PIGK: variants seen among roughly 807,000 people sequenced by gnomAD.
PIGK encodes GPI-anchor transamidase.
Under a neutral mutation model 50.6 loss-of-function variants are expected in PIGK, and 42 were observed. That is an observed-to-expected ratio of 0.83 (90% confidence interval 0.65 to 1.07). PIGK has a LOEUF of 1.07. Among genes scored for constraint, PIGK ranks in the 50% least tolerant of loss-of-function variants. The pLI, the probability that PIGK is intolerant of heterozygous loss-of-function variation, is 0.00. For synonymous variants in PIGK, 151 were observed against 156.0 expected (o/e 0.97, Z 0.24); for missense variants, 448 against 488.7 (o/e 0.92, Z 0.78).
chr1:77,108,431 G>A (rs1474497737), intron 10 of PIGK, among the ~76,000 whole-genome samples: 1 of 152,118 alleles, frequency 6.6e-6, no homozygotes, highest in African/African-American at 2.4e-5. Flanking sequence ...ACTCTCTTCT[G>A]GCTTGTAGAG....
intron 9 of PIGK, among the ~76,000 whole-genome samples, chr1:77,148,105 AT>A (rs1262091584): frequency 3.3e-5 from 5 of 152,160 alleles, no homozygotes; most frequent in East Asian, 1.9e-4. Context: ...TTAACCTAAG[AT>A]TTTTTTAAAT....
At chr1:77,207,967 A>G (rs1350041841) in intron 2 of PIGK, among the ~76,000 whole-genome samples, 3 of 152,164 alleles carry the variant, frequency 2.0e-5, no homozygotes, top group African/African-American at 7.2e-5. Context: ...TACACCTATA[A>G]TCCTAGCAGT....
At chr1:77,214,844 T>C (rs995989675) in intron 1 of PIGK, among the ~76,000 whole-genome samples, 6 of 152,136 alleles carry the variant, frequency 3.9e-5, no homozygotes, top group Non-Finnish European at 2.9e-5. Flanking sequence ...CAATGGCGTT[T>C]CTATATACCA....
intron 1 of PIGK, among the ~76,000 whole-genome samples, chr1:77,215,951 G>T (rs1378560314): frequency 6.6e-6 from 1 of 152,124 alleles, no homozygotes; most frequent in Non-Finnish European, 1.5e-5. Flanking sequence ...GTGACGGGGG[G>T]AGTACAGAGA....
intron 3 of PIGK, among the ~76,000 whole-genome samples, chr1:77,175,372 C>T (rs1212348668): frequency 6.6e-6 from 1 of 152,098 alleles, no homozygotes; most frequent in African/African-American, 2.4e-5. Context: ...TGGTTAAAAA[C>T]AGGGATGCTT....
rs1457371530 is a variant in PIGK at position 77,205,293 on chromosome 1, T to C, written c.239+1347A>G. Among the ~76,000 whole-genome samples the C allele has an allele frequency of 6.6e-5, 10 of 151,504 alleles. No individual in the cohort carries two copies. The Admixed American group carries it at 6.6e-4, about 10-fold the overall frequency. ...CATAGGCCTATTTGAGAAAAACCAA[T>C]TGACAAATGACAAGAATTATATCTA... On this transcript the variant is annotated intron_variant, in intron 3 of 10. Coordinates refer to ENST00000370812, the MANE Select transcript of PIGK (RefSeq NM_005482.3).
At chr1:77,195,192 C>T (rs1159213150) in intron 3 of PIGK, 5 of 1,190,288 alleles carry the variant, frequency 4.2e-6, no homozygotes, top group Admixed American at 1.7e-5. Flanking sequence ...TGTTCTTAAC[C>T]GTGGGCGATG....
Position 77,216,488 on chromosome 1 carries a change from T to C in PIGK, c.93+2822A>G, listed in dbSNP as rs570774159. On this transcript the variant is annotated intron_variant, in intron 1 of 10. Transcript: ENST00000370812. ...TACTATGGCTAGGATAAAATACCCT[T>C]AATTTAGCAAGGCAATAACATAGTA... is the stretch of plus-strand genomic sequence containing the variant. Among the ~76,000 whole-genome samples the C allele has an allele frequency of 4.6e-5, 7 of 152,300 alleles. No individual in the cohort carries two copies. In the South Asian group the frequency reaches 1.5e-3, roughly 32 times the overall value.
At position 77,210,495 on chromosome 1, in the gene PIGK, TA is replaced by T; in HGVS notation, c.94-7del. On this transcript the variant is annotated splice_region_variant and splice_polypyrimidine_tract_variant and intron_variant, in intron 1 of 10. Transcript: ENST00000370812. Reference sequence around the variant, plus strand: ...AAGAATTGTTCTGCTTGATCCTAAATAAAGCAAAACAAATAGAAGAAAAAGG... The same window carrying T: ...AAGAATTGTTCTGCTTGATCCTAAATAAGCAAAACAAATAGAAGAAAAAGG... The T allele has an allele frequency of 6.3e-7, 1 of 1,578,448 alleles. No homozygotes were observed. The highest frequency in any genetic ancestry group is 8.6e-7 in the Non-Finnish European group (1 of 1,157,050).
intron 9 of PIGK, among the ~76,000 whole-genome samples, chr1:77,126,999 A>G (rs915639650): frequency 1.3e-5 from 2 of 152,166 alleles, no homozygotes; most frequent in South Asian, 4.1e-4. Context: ...AAAGCTGTGC[A>G]TTCCTTATTT....
At chr1:77,181,340 CT>C (rs1228111006) in intron 3 of PIGK, among the ~76,000 whole-genome samples, 2 of 152,112 alleles carry the variant, frequency 1.3e-5, no homozygotes, top group Admixed American at 1.3e-4. Flanking sequence ...GATGAACAAT[CT>C]TTCACAGTCC....
chr1:77,214,070 G>A (rs188987129), intron 1 of PIGK, among the ~76,000 whole-genome samples: 2 of 152,204 alleles, frequency 1.3e-5, no homozygotes, highest in African/African-American at 2.4e-5. Flanking sequence ...AGCCCAGAAC[G>A]GGATGGCTTC....
chr1:77,184,680 G>A (rs1026611547), intron 3 of PIGK, among the ~76,000 whole-genome samples: 3 of 152,176 alleles, frequency 2.0e-5, no homozygotes, highest in African/African-American at 7.2e-5. Context: ...AGTGTGTCCA[G>A]TGGATCCCCA....
intron 3 of PIGK, among the ~76,000 whole-genome samples, chr1:77,178,356 C>T (rs527674515): frequency 4.6e-5 from 7 of 152,238 alleles, no homozygotes; most frequent in Admixed American, 6.5e-5. Flanking sequence ...GGAGTAAAAA[C>T]GGCAATGATT....
At chr1:77,218,218 T>G (rs1174370147) in intron 1 of PIGK, among the ~76,000 whole-genome samples, 1 of 152,232 alleles carries the variant, frequency 6.6e-6, no homozygotes, top group Non-Finnish European at 1.5e-5. Context: ...GACTTTATTC[T>G]GTATGCAATT....
intron 1 of PIGK, among the ~76,000 whole-genome samples, chr1:77,216,913 G>A (rs1656580859): frequency 6.6e-6 from 1 of 152,024 alleles, no homozygotes; most frequent in Admixed American, 6.6e-5. Flanking sequence ...TTTTGTGGTT[G>A]TCTAGACAAT....
intron 10 of PIGK, among the ~76,000 whole-genome samples, chr1:77,112,257 T>A (rs927208891): frequency 6.6e-6 from 1 of 151,886 alleles, no homozygotes; most frequent in East Asian, 1.9e-4. Flanking sequence ...AGGAAGCACA[T>A]TAAGGTGATT....
chr1:77,132,585 G>A (rs1654401866), intron 9 of PIGK, among the ~76,000 whole-genome samples: 1 of 151,838 alleles, frequency 6.6e-6, no homozygotes, highest in Non-Finnish European at 1.5e-5. Context: ...ACAAGATGGT[G>A]GGGTTTTTTG....
At chr1:77,181,119 A>C (rs1437800476) in intron 3 of PIGK, among the ~76,000 whole-genome samples, 1 of 152,198 alleles carries the variant, frequency 6.6e-6, no homozygotes, top group African/African-American at 2.4e-5. Flanking sequence ...CAAAAAAAGT[A>C]GTCAGGAAGC....
Sources: allele counts gnomAD v4.1 joint callset (sites outside exome capture counted in the v4.1 genomes callset), GRCh38; gene constraint gnomAD v4.1.1; transcripts MANE v1.5; gene names NCBI Gene and HGNC (gene_info 2026-07-23, HGNC 2026-07-21).